CIMAP1B: variants seen among roughly 807,000 people sequenced by gnomAD.
CIMAP1B encodes orf2 5' to PD-ECGF/TP.
chr22:50,531,838 T>C, the CIMAP1B span: 2 of 1,328,264 alleles, frequency 1.5e-6, no homozygotes, highest in South Asian at 2.2e-5. Flanking sequence ...ACACGGACCC[T>C]CCCCCGGCAC....
chr22:50,531,636 C>A, the CIMAP1B span: 1 of 1,379,566 alleles, frequency 7.2e-7, no homozygotes. Context: ...GCGGGGGCGC[C>A]GTCGGTGCCG....
At chr22:50,532,150 A>G in the CIMAP1B span, 2 of 1,314,338 alleles carry the variant, frequency 1.5e-6, no homozygotes, top group South Asian at 4.2e-5. Context: ...CCTGCACCGC[A>G]AATTCTTGGG....
the CIMAP1B span, chr22:50,531,134 G>C: frequency 6.3e-7 from 1 of 1,589,368 alleles, no homozygotes; most frequent in Non-Finnish European, 8.6e-7. Flanking sequence ...CCGGAGGGCG[G>C]TCCCCGGTCT....
At chr22:50,532,257 G>T in the CIMAP1B span, 4 of 862,702 alleles carry the variant, frequency 4.6e-6, no homozygotes, top group Non-Finnish European at 3.1e-6. Context: ...CTTCCTTCCC[G>T]GCTGTGTGGA....
At chr22:50,530,572 G>A in the CIMAP1B span, 2 of 1,581,428 alleles carry the variant, frequency 1.3e-6, no homozygotes, top group Non-Finnish European at 1.7e-6. Context: ...TGCGGGCCCG[G>A]AGACACCGCT....
At chr22:50,531,148 G>A in the CIMAP1B span, 2 of 1,594,508 alleles carry the variant, frequency 1.3e-6, no homozygotes, top group African/African-American at 2.7e-5. Flanking sequence ...CCGGTCTCGA[G>A]TGGGAAGGCC....
At chr22:50,532,180 C>G in the CIMAP1B span, 7 of 1,287,208 alleles carry the variant, frequency 5.4e-6, no homozygotes, top group African/African-American at 1.1e-4. Flanking sequence ...TTCCCACTAC[C>G]CTGGGATCAG....
chr22:50,532,176 C>T, the CIMAP1B span: 1 of 1,297,002 alleles, frequency 7.7e-7, no homozygotes, highest in Non-Finnish European at 9.8e-7. Context: ...CACTTTCCCA[C>T]TACCCTGGGA....
the CIMAP1B span, chr22:50,531,367 TGGGACTAGTG>T: frequency 7.9e-7 from 1 of 1,269,600 alleles, no homozygotes; most frequent in Non-Finnish European, 1.1e-6. Context: ...GATGGGGTCC[TGGGACTAGTG>T]GGGAGTCTGA....
the CIMAP1B span, chr22:50,532,313 C>T: frequency 6.5e-6 from 3 of 461,304 alleles, no homozygotes; most frequent in Admixed American, 4.5e-5. Context: ...GGACTCCAGG[C>T]GCATTAGGCA....
the CIMAP1B span, chr22:50,531,786 G>A: frequency 2.1e-5 from 29 of 1,355,730 alleles, no homozygotes; most frequent in Non-Finnish European, 2.7e-5. Flanking sequence ...GGGAGCATCC[G>A]AGTTAGCGTC....
chr22:50,531,973 G>T, the CIMAP1B span: 1 of 1,343,356 alleles, frequency 7.4e-7, no homozygotes, highest in Non-Finnish European at 9.6e-7. Context: ...TTCTACCGGT[G>T]TTGGGCGGCA....
At chr22:50,530,611 G>T in the CIMAP1B span, 31 of 1,564,692 alleles carry the variant, frequency 2.0e-5, no homozygotes, top group Admixed American at 3.7e-5. Context: ...TCCTCTCCGC[G>T]CCGGGACCCC....
chr22:50,530,453 C>A, the CIMAP1B span: 1 of 1,572,360 alleles, frequency 6.4e-7, no homozygotes, highest in African/African-American at 1.3e-5. Flanking sequence ...TAAGCAAACA[C>A]GTGTGGGGCC....
At chr22:50,531,808 A>G in the CIMAP1B span, 5 of 1,344,526 alleles carry the variant, frequency 3.7e-6, no homozygotes, top group African/African-American at 1.5e-5. Context: ...GGCCGGGCCC[A>G]GCCCCAAGCC....
chr22:50,531,150 G>T, the CIMAP1B span: 8 of 1,593,446 alleles, frequency 5.0e-6, no homozygotes, highest in Non-Finnish European at 6.9e-6. Context: ...GGTCTCGAGT[G>T]GGAAGGCCCA....
At chr22:50,530,775 C>T in the CIMAP1B span, 5 of 1,608,230 alleles carry the variant, frequency 3.1e-6, no homozygotes, top group Non-Finnish European at 4.2e-6. Context: ...GCGAAGTCCG[C>T]GCCAGAATCG....
chr22:50,530,741 GCTTCCGAGTGTTGTCTT>G, the CIMAP1B span: 1 of 1,611,390 alleles, frequency 6.2e-7, no homozygotes, highest in African/African-American at 1.3e-5. Flanking sequence ...GCGGGCCCTG[GCTTCCGAGTGTTGTCTT>G]GGGGGAGCGA....
the CIMAP1B span, chr22:50,531,377 G>T: frequency 2.4e-6 from 3 of 1,233,984 alleles, no homozygotes; most frequent in African/African-American, 3.0e-5. Context: ...TGGGACTAGT[G>T]GGGAGTCTGA....
Sources: allele counts gnomAD v4.1 joint callset, GRCh38; gene constraint gnomAD v4.1.1; transcripts MANE v1.5; gene names NCBI Gene and HGNC (gene_info 2026-07-23, HGNC 2026-07-21).